Variants in NSDHL observed in about 807,000 individuals in gnomAD.
The protein encoded by NSDHL is sterol-4-alpha-carboxylate 3-dehydrogenase, decarboxylating.
Under a neutral mutation model 23.0 loss-of-function variants are expected in NSDHL, and 1 was observed. That is an observed-to-expected ratio of 0.04 (90% CI 0.02 to 0.21). The LOEUF (loss-of-function observed/expected upper bound fraction) is 0.21. NSDHL is among the 10% of genes least tolerant of loss of function. The probability of loss-of-function intolerance (pLI) is 1.00; values close to 1 mark genes in which losing one functional copy is unlikely to be tolerated. For missense variants in NSDHL, 237 were observed against 300.9 expected (o/e 0.79, Z 1.57); for synonymous variants, 128 against 121.1 (o/e 1.06, Z -0.37).
At chrX:152,843,334 G>T in intron 1 of NSDHL, among the ~76,000 whole-genome samples, 1 of 111,972 alleles carries the variant, frequency 8.9e-6, no homozygotes, top group East Asian at 2.8e-4. Context: ...TAGTTTGCTG[G>T]GTCTGCTGTA....
At chrX:152,845,352 A>G (rs1467245479) in intron 1 of NSDHL, among the ~76,000 whole-genome samples, 2 of 112,168 alleles carry the variant, frequency 1.8e-5, no homozygotes, top group African/African-American at 6.5e-5. Context: ...CTAGCCTTTC[A>G]TGAGCAAAGT....
In NSDHL at chrX:152,860,607, G is replaced by A. The variant is rs781993719; in HGVS notation, c.414+1691G>A. ...ATGCACCTGTAGCCTCAACTGTTTC[G>A]GGACGCTGAGGCAGGAGGATCGCTT... On this transcript the variant is annotated intron_variant, in intron 4 of 7. Coordinates refer to ENST00000370274, the MANE Select transcript of NSDHL (RefSeq NM_015922.3). Among the ~76,000 whole-genome samples the A allele has an allele frequency of 6.3e-5, 7 of 110,972 alleles. No homozygotes were observed. The East Asian group carries it at 1.1e-3, about 18-fold the overall frequency.
rs782651921 is a variant in NSDHL at position 152,847,311 on chromosome X, CAAACA to C, written c.108+897_108+901del. 2.3e-4 allele frequency among the ~76,000 whole-genome samples: 26 copies of C among 111,789 alleles called. No individual in the cohort carries two copies. The East Asian group carries it at 4.8e-3, about 21-fold the overall frequency. ...GAGCGAGACTCTGTCTCAAAACAAA[CAAACA>C]AAACAAAACAAAACAAACAACGTAA... On this transcript the variant is annotated intron_variant, in intron 2 of 7. Transcript: ENST00000370274.
intron 2 of NSDHL, among the ~76,000 whole-genome samples, chrX:152,847,358 T>C (rs1933290030): frequency 9.0e-6 from 1 of 111,394 alleles, no homozygotes; most frequent in African/African-American, 3.3e-5. Flanking sequence ...CAAGACAAAA[T>C]GTGTTTATAT....
At chrX:152,843,262 A>G (rs1290687191) in intron 1 of NSDHL, among the ~76,000 whole-genome samples, 1 of 111,916 alleles carries the variant, frequency 8.9e-6, no homozygotes, top group Non-Finnish European at 1.9e-5. Flanking sequence ...TAGTCATACA[A>G]GGGGACTTGT....
At position 152,869,572 on chromosome X, in the gene NSDHL, A is replaced by G; in HGVS notation, c.*456A>G. The G allele has an allele frequency of 5.7e-6, 1 of 175,492 alleles. No individual in the cohort carries two copies. Among genetic ancestry groups the G allele is most frequent in the South Asian group, 1.2e-4 (1 of 8,663 alleles). 14.5% of individuals were successfully genotyped at this position (175,492 alleles called of 1,213,427 possible). On this transcript the variant is annotated 3_prime_UTR_variant, in exon 8 of 8. Transcript: ENST00000370274. ...CTCTATCTTCAAAATATCCCAGAAG[A>G]AAAACAGAAGCTGTTAACACACAGG... is the stretch of plus-strand genomic sequence containing the variant.
chrX:152,841,136 T>A (rs781972251), intron 1 of NSDHL, among the ~76,000 whole-genome samples: 53 of 113,160 alleles, frequency 4.7e-4, no homozygotes, highest in African/African-American at 1.7e-3. Flanking sequence ...AATCTCCTGG[T>A]CTGCCAGTTG....
At chrX:152,865,405 C>T (rs782231558) in intron 5 of NSDHL, among the ~76,000 whole-genome samples, 3 of 112,667 alleles carry the variant, frequency 2.7e-5, no homozygotes, top group African/African-American at 9.7e-5. Flanking sequence ...GAAACGTGGG[C>T]GGCACATGCA....
chrX:152,858,016 A>C (rs1468963247), intron 3 of NSDHL, among the ~76,000 whole-genome samples: 3 of 112,722 alleles, frequency 2.7e-5, no homozygotes, highest in African/African-American at 9.7e-5. Context: ...GTCTTCATTT[A>C]GTAGCTCCAG....
chrX:152,843,455 G>T (rs1933224098), intron 1 of NSDHL, among the ~76,000 whole-genome samples: 1 of 112,003 alleles, frequency 8.9e-6, no homozygotes, highest in South Asian at 3.7e-4. Flanking sequence ...CCCTCTGAAG[G>T]ATCCAGGGGA....
chrX:152,869,485 A>T lies in NSDHL; in HGVS notation c.*369A>T, dbSNP rs1933675155. 2 of 268,835 alleles carry T rather than the reference A, an allele frequency of 7.4e-6. No homozygotes were observed. Among genetic ancestry groups the T allele is most frequent in the South Asian group, 8.6e-5 (2 of 23,196 alleles). The allele number at this position is 268,835 out of a possible 1,213,427, so 22.2% of individuals were successfully genotyped here. A position where few individuals can be genotyped will look rare whatever the true frequency, so the allele number is the denominator to read the frequency against. On this transcript the variant is annotated 3_prime_UTR_variant, in exon 8 of 8. Coordinates refer to ENST00000370274, the MANE Select transcript of NSDHL (RefSeq NM_015922.3). Reference sequence around the variant, plus strand: ...AGCTACAACCCATTTGTTAGTTCTGATGGAGAACCATTTCCATGCAGACCA... The same window carrying T: ...AGCTACAACCCATTTGTTAGTTCTGTTGGAGAACCATTTCCATGCAGACCA...
chrX:152,850,133 A>G, intron 2 of NSDHL, 132 bp from the exon 3 acceptor site: 4 of 661,865 alleles, frequency 6.0e-6, no homozygotes, highest in Non-Finnish European at 1.0e-5. Context: ...AAAGCTTCCA[A>G]CTTGGCTCAA....
intron 5 of NSDHL, among the ~76,000 whole-genome samples, chrX:152,863,476 C>T (rs1469302154): frequency 8.9e-6 from 1 of 112,396 alleles, no homozygotes; most frequent in African/African-American, 3.2e-5. Flanking sequence ...AGGCTGGAGG[C>T]ACCTTCCTAG....
At chrX:152,848,226 A>C (rs1172966265) in intron 2 of NSDHL, among the ~76,000 whole-genome samples, 2 of 111,720 alleles carry the variant, frequency 1.8e-5, no homozygotes, top group Non-Finnish European at 3.8e-5. Context: ...CCCATTATGG[A>C]GTCTTGCTGT....
At chrX:152,857,308 C>T (rs1933457484) in intron 3 of NSDHL, among the ~76,000 whole-genome samples, 1 of 111,890 alleles carries the variant, frequency 8.9e-6, no homozygotes, top group Admixed American at 9.5e-5. Context: ...GAAAAGGTAC[C>T]TTTTTGATGG....
chrX:152,863,946 CTG>C (rs781851978), intron 5 of NSDHL, among the ~76,000 whole-genome samples: 2 of 108,795 alleles, frequency 1.8e-5, no homozygotes, highest in South Asian at 4.1e-4. Context: ...GATTCTCACT[CTG>C]TTGCCCAGGC....
At chrX:152,838,782 G>T (rs781977659) in intron 1 of NSDHL, among the ~76,000 whole-genome samples, 10 of 111,793 alleles carry the variant, frequency 8.9e-5, no homozygotes, top group African/African-American at 2.9e-4. Flanking sequence ...CTGTTGATTT[G>T]GGGTGGAGAG....
chrX:152,857,316 T>C (rs1933457630), intron 3 of NSDHL, among the ~76,000 whole-genome samples: 1 of 112,286 alleles, frequency 8.9e-6, no homozygotes, highest in Non-Finnish European at 1.9e-5. Flanking sequence ...ACCTTTTTGA[T>C]GGCCGGAATC....
chrX:152,836,963 T>A (rs1247341827), intron 1 of NSDHL, among the ~76,000 whole-genome samples: 1 of 112,255 alleles, frequency 8.9e-6, no homozygotes, highest in African/African-American at 3.2e-5. Flanking sequence ...TTTGTTTGTG[T>A]CCTCTTTTAT....
Sources: gnomAD v4.1 joint callset for allele counts (sites outside exome capture counted in the v4.1 genomes callset) on GRCh38, gnomAD v4.1.1 for gene constraint, MANE v1.5 for transcripts, NCBI Gene and HGNC (gene_info 2026-07-23, HGNC 2026-07-21) for gene names.